The following SNAP23 variants were observed in gnomAD, a reference collection of about 807,000 sequenced individuals.
SNAP23 encodes the protein synaptosome associated protein 23.
In SNAP23, 11 loss-of-function variants were observed where a neutral mutation model predicts 29.0. That is an observed-to-expected ratio of 0.38 (90% CI 0.24 to 0.63). The LOEUF (loss-of-function observed/expected upper bound fraction) is 0.63, where lower values mean the gene tolerates loss of function less well. Ranked by LOEUF, SNAP23 falls within the 20% of genes least tolerant of loss-of-function variation. SNAP23 has a pLI of 0.58. For missense variants in SNAP23, 220 were observed against 253.9 expected, an observed-to-expected ratio of 0.87 and a Z score of 0.91; for synonymous variants, 60 against 82.9, an observed-to-expected ratio of 0.72 and a Z score of 1.50.
intron 5 of SNAP23, among the ~76,000 whole-genome samples, chr15:42,519,442 G>A (rs865933272): frequency 2.0e-5 from 3 of 151,660 alleles, no homozygotes; most frequent in African/African-American, 7.3e-5. Context: ...TACAATCTCG[G>A]CTCACTGCAA....
intron 1 of SNAP23, among the ~76,000 whole-genome samples, chr15:42,511,028 T>C (rs2057354842): frequency 6.6e-6 from 1 of 152,214 alleles, no homozygotes; most frequent in African/African-American, 2.4e-5. Context: ...AGCTAGCAAA[T>C]GTAACAAAGA....
rs554985776 is a variant in SNAP23 at position 42,516,608 on chromosome 15, T to C, written c.266+1254T>C. Among the ~76,000 whole-genome samples the C allele has an allele frequency of 2.0e-5, 3 of 152,214 alleles. No individual in the cohort carries two copies. In the South Asian group the frequency reaches 6.2e-4, roughly 32 times the overall value. On this transcript the variant is annotated intron_variant, in intron 5 of 7. Transcript: ENST00000249647. ...CCTCCTCAAGTGCTGGGATTACAGGTGTGAGCCACCACACCCGGCCTCAAT... is the reference window on the plus strand; with the variant it reads ...CCTCCTCAAGTGCTGGGATTACAGGCGTGAGCCACCACACCCGGCCTCAAT...
intron 5 of SNAP23, among the ~76,000 whole-genome samples, chr15:42,516,965 G>C (rs904805747): frequency 1.3e-5 from 2 of 152,188 alleles, no homozygotes; most frequent in Non-Finnish European, 2.9e-5. Flanking sequence ...TGTCACCCAG[G>C]CTGGAGTGCA....
chr15:42,500,817 A>G (rs2057263496), intron 1 of SNAP23, among the ~76,000 whole-genome samples: 1 of 152,146 alleles, frequency 6.6e-6, no homozygotes, highest in African/African-American at 2.4e-5. Context: ...TTAAATAGTA[A>G]GAGTAGAAGA....
intron 1 of SNAP23, among the ~76,000 whole-genome samples, chr15:42,498,330 C>T (rs999788520): frequency 6.6e-6 from 1 of 152,190 alleles, no homozygotes; most frequent in African/African-American, 2.4e-5. Context: ...CAGGCATTTC[C>T]GTACATCCTC....
Position 42,532,135 on chromosome 15 carries a change from A to G in SNAP23, c.*657A>G, listed in dbSNP as rs572699561. The stretch of plus-strand genomic sequence containing the variant: ...GAGTCAGAGTCTCGCTCTCTTGTCC[A>G]GGCTGGAGTGCAATAGCGCGATCTG... On this transcript the variant is annotated 3_prime_UTR_variant, in exon 8 of 8. Transcript: ENST00000249647. 6.7e-6 allele frequency: 1 copy of G among 150,346 alleles called. No homozygotes were observed. The highest frequency in any genetic ancestry group is 2.0e-4 in the East Asian group (1 of 5,108). 9.3% of individuals were successfully genotyped at this position (150,346 alleles called of 1,614,324 possible).
In SNAP23 at chr15:42,531,608, A is replaced by C; in HGVS notation, c.*130A>C. 1 of 605,654 alleles carries C rather than the reference A, an allele frequency of 1.7e-6. No individual in the cohort carries two copies. Among genetic ancestry groups the C allele is most frequent in the Non-Finnish European group, 2.8e-6 (1 of 355,754 alleles). 37.5% of individuals were successfully genotyped at this position (605,654 alleles called of 1,614,324 possible). A position where few individuals can be genotyped will look rare whatever the true frequency, so the allele number is the denominator to read the frequency against. ...GGAGATAATATGGAAGAAGGGCCAG[A>C]GCAGTTACAGCCCTCCTTCTTTTTT... is the stretch of plus-strand genomic sequence containing the variant. On this transcript the variant is annotated 3_prime_UTR_variant, in exon 8 of 8. Transcript: ENST00000249647.
intron 1 of SNAP23, among the ~76,000 whole-genome samples, chr15:42,509,922 A>G (rs1034009937): frequency 6.6e-6 from 1 of 151,818 alleles, no homozygotes; most frequent in Non-Finnish European, 1.5e-5. Flanking sequence ...TACAGAAATT[A>G]GTGGGGCGTG....
intron 5 of SNAP23, 52 bp from the exon 6 acceptor site, chr15:42,528,210 C>A: frequency 6.6e-7 from 1 of 1,523,664 alleles, no homozygotes; most frequent in Non-Finnish European, 9.1e-7. Context: ...ATAATTAGAA[C>A]TCTCCGTCTT....
At chr15:42,508,373 T>C (rs891985139) in intron 1 of SNAP23, among the ~76,000 whole-genome samples, 16 of 152,184 alleles carry the variant, frequency 1.1e-4, no homozygotes, top group African/African-American at 3.6e-4. Flanking sequence ...TCAGGGCCAA[T>C]TGGTATCCAC....
At chr15:42,521,379 C>T (rs2057447811) in intron 5 of SNAP23, 1 of 868,600 alleles carries the variant, frequency 1.2e-6, no homozygotes, top group Non-Finnish European at 1.4e-6. Context: ...AATATCATCA[C>T]CCAAAATTCT....
chr15:42,508,807 T>C (rs1258168413), intron 1 of SNAP23, among the ~76,000 whole-genome samples: 1 of 152,146 alleles, frequency 6.6e-6, no homozygotes, highest in African/African-American at 2.4e-5. Flanking sequence ...AATTACAAAA[T>C]TACATAATTT....
intron 2 of SNAP23, chr15:42,512,374 CTTT>C (rs5812224): frequency 2.7e-3 from 264 of 96,498 alleles, no homozygotes; most frequent in African/African-American, 8.6e-3. Flanking sequence ...GATCAACTTA[CTTT>C]TTTTTTTTTT....
upstream of SNAP23, among the ~76,000 whole-genome samples, chr15:42,493,130 C>A (rs1040990075): frequency 2.0e-5 from 3 of 152,006 alleles, no homozygotes; most frequent in African/African-American, 7.3e-5. Context: ...TCGCTTGAGT[C>A]CAGGAGTTTG....
At chr15:42,500,683 C>G (rs900167795) in intron 1 of SNAP23, among the ~76,000 whole-genome samples, 3 of 151,276 alleles carry the variant, frequency 2.0e-5, no homozygotes, top group Non-Finnish European at 4.4e-5. Context: ...AGCCACCTCA[C>G]CCGGCCAGGA....
At chr15:42,514,490 C>A (rs905663190) in intron 4 of SNAP23, among the ~76,000 whole-genome samples, 12 of 152,212 alleles carry the variant, frequency 7.9e-5, no homozygotes, top group African/African-American at 2.9e-4. Flanking sequence ...AAATCAAGTT[C>A]TAAAACAGAT....
Position 42,531,521 on chromosome 15 carries a change from T to G in SNAP23, c.*43T>G. On this transcript the variant is annotated 3_prime_UTR_variant, in exon 8 of 8. Transcript: ENST00000249647. The stretch of plus-strand genomic sequence containing the variant: ...TTTATCATTTATTCACTTCCGTAGC[T>G]CCTCCTTGAAAGTTATTACCTTTTC... The G allele has an allele frequency of 2.1e-6, 3 of 1,462,068 alleles. No homozygotes were observed. In the Admixed American group the frequency reaches 5.5e-5, roughly 27 times the overall value. 90.6% of individuals were successfully genotyped at this position (1,462,068 alleles called of 1,614,324 possible).
intron 6 of SNAP23, 117 bp from the exon 7 acceptor site, chr15:42,529,558 C>T: frequency 9.9e-7 from 1 of 1,011,502 alleles, no homozygotes; most frequent in Non-Finnish European, 1.5e-6. Flanking sequence ...AACCTATATT[C>T]TTTTGGATCT....
intron 5 of SNAP23, among the ~76,000 whole-genome samples, chr15:42,516,252 T>C (rs1404744814): frequency 6.6e-6 from 1 of 152,174 alleles, no homozygotes; most frequent in Non-Finnish European, 1.5e-5. Flanking sequence ...GCAGCCTCTC[T>C]TTCCTGGGCA....
Sources: gnomAD v4.1 joint callset for allele counts (sites outside exome capture counted in the v4.1 genomes callset) on GRCh38, gnomAD v4.1.1 for gene constraint, MANE v1.5 for transcripts, NCBI Gene and HGNC (gene_info 2026-07-23, HGNC 2026-07-21) for gene names.